PCDHA8: variants seen among roughly 807,000 people sequenced by gnomAD.
PCDHA8 encodes protocadherin alpha 8.
PCDHA8 carries 53 observed loss-of-function variants against 61.8 expected under a neutral mutation model. The observed-to-expected ratio is 0.86, with a 90% CI of 0.69 to 1.08. The LOEUF (loss-of-function observed/expected upper bound fraction) is 1.08, where lower values mean the gene tolerates loss of function less well. Among genes scored for constraint, PCDHA8 ranks in the 50% least tolerant of loss-of-function variants. The probability of loss-of-function intolerance (pLI) is 0.00; values close to 1 mark genes in which losing one functional copy is unlikely to be tolerated. For missense variants in PCDHA8, 1,293 were observed against 1,245.0 expected, an observed-to-expected ratio of 1.04 and a Z score of -0.58; for synonymous variants, 618 against 556.6, an observed-to-expected ratio of 1.11 and a Z score of -1.55.
chr5:140,928,540 G>T lies in PCDHA8; in HGVS notation c.2395-50409G>T, dbSNP rs1554205973. 4 of 1,614,094 alleles carry T rather than the reference G, an allele frequency of 2.5e-6. No homozygotes were observed. In the Admixed American group the frequency reaches 5.0e-5, roughly 20 times the overall value. On this transcript the variant is annotated intron_variant, in intron 1 of 3. Coordinates refer to ENST00000531613, the MANE Select transcript of PCDHA8 (RefSeq NM_018911.3). The stretch of plus-strand genomic sequence containing the variant: ...AAACTTGTTTGTGGTAGATAGGAAT[G>T]ACAATTATCCGGTTATCTTGTTTCC...
intron 1 of PCDHA8, among the ~76,000 whole-genome samples, chr5:140,918,404 T>C (rs2078676215): frequency 6.6e-6 from 1 of 152,196 alleles, no homozygotes; most frequent in Admixed American, 6.5e-5. Context: ...CTGATTTCTC[T>C]GGCCAGGACT....
chr5:140,869,137 C>G, intron 1 of PCDHA8: 3 of 1,613,116 alleles, frequency 1.9e-6, no homozygotes, highest in African/African-American at 1.3e-5. Context: ...ATTGGGCACC[C>G]CACGACTACA....
chr5:140,893,048 T>C (rs1462017776), intron 1 of PCDHA8, among the ~76,000 whole-genome samples: 1 of 152,250 alleles, frequency 6.6e-6, no homozygotes, highest in Non-Finnish European at 1.5e-5. Flanking sequence ...CCCTCCAGGC[T>C]CAGCCATACT....
At chr5:140,844,931 A>G (rs1262967576) in intron 1 of PCDHA8, among the ~76,000 whole-genome samples, 1 of 149,362 alleles carries the variant, frequency 6.7e-6, no homozygotes, top group Non-Finnish European at 1.5e-5. Flanking sequence ...GAAGGGAATG[A>G]ACGATTTCTG....
rs371718634 is a variant in PCDHA8, at chr5:140,884,469, C to G, written c.2394+40754C>G. ...CCGCCCACCGAGGGCGCGTGCGCGCCGGGCAAGCCCACTCTAGTGTGCTCC... is the reference window on the plus strand; with the variant it reads ...CCGCCCACCGAGGGCGCGTGCGCGCGGGGCAAGCCCACTCTAGTGTGCTCC... On this transcript the variant is annotated intron_variant, in intron 1 of 3. Coordinates refer to ENST00000531613, the MANE Select transcript of PCDHA8 (RefSeq NM_018911.3). 7.7e-5 allele frequency: 124 copies of G among 1,613,648 alleles called. 1 individual carries two copies. The highest frequency in any genetic ancestry group is 9.6e-5 in the Non-Finnish European group (113 of 1,179,828).
At chr5:140,853,981 T>C (rs1380460625) in intron 1 of PCDHA8, 1 of 543,664 alleles carries the variant, frequency 1.8e-6, no homozygotes, top group East Asian at 1.4e-4. Context: ...GAGACCAATG[T>C]AGTGAGACTC....
intron 1 of PCDHA8, chr5:140,859,596 AT>A (rs1554152518): frequency 6.1e-6 from 1 of 164,060 alleles, no homozygotes; most frequent in Non-Finnish European, 1.3e-5. Flanking sequence ...GCTCTTAGCA[AT>A]TACTTTTTTC....
At chr5:140,887,994 C>T (rs1168995086) in intron 1 of PCDHA8, among the ~76,000 whole-genome samples, 1 of 152,016 alleles carries the variant, frequency 6.6e-6, no homozygotes, top group Non-Finnish European at 1.5e-5. Flanking sequence ...ATGTCTCCAC[C>T]GAATAGTCAT....
chr5:140,863,076 G>C (rs782126148), intron 1 of PCDHA8: 2 of 570,034 alleles, frequency 3.5e-6, no homozygotes, highest in South Asian at 2.7e-5. Context: ...GGCTCTGCAC[G>C]GGCGAGATCA....
chr5:140,863,699 T>C, intron 1 of PCDHA8: 1 of 299,368 alleles, frequency 3.3e-6, no homozygotes, highest in Non-Finnish European at 6.5e-6. Context: ...GATGCTTTAT[T>C]TAAAGTACAC....
chr5:140,884,105 C>T, intron 1 of PCDHA8: 2 of 1,613,466 alleles, frequency 1.2e-6, no homozygotes, highest in South Asian at 2.2e-5. Flanking sequence ...TGAATTGCAG[C>T]TGGCGGCGGT....
Position 140,856,096 on chromosome 5 carries a change from G to C in PCDHA8, c.2394+12381G>C, listed in dbSNP as rs1031755500. The C allele has an allele frequency of 1.1e-5, 17 of 1,597,460 alleles. 1 individual carries two copies. The Admixed American group carries it at 2.5e-4, about 24-fold the overall frequency. On this transcript the variant is annotated intron_variant, in intron 1 of 3. Coordinates refer to ENST00000531613, the MANE Select transcript of PCDHA8 (RefSeq NM_018911.3). Reference sequence around the variant, plus strand: ...TGGGGGTCCAGTGTCTGCTGCTCTCGCTTCTTCTCCTCGCAGCCTGGGAGG... The same window carrying C: ...TGGGGGTCCAGTGTCTGCTGCTCTCCCTTCTTCTCCTCGCAGCCTGGGAGG...
At chr5:140,913,857 T>C (rs1374392004) in intron 1 of PCDHA8, among the ~76,000 whole-genome samples, 3 of 152,208 alleles carry the variant, frequency 2.0e-5, no homozygotes, top group Admixed American at 6.5e-5. Context: ...CAGGAGCATA[T>C]TGTTTAATTT....
chr5:140,957,954 T>G (rs2095401085), intron 1 of PCDHA8, among the ~76,000 whole-genome samples: 2 of 152,138 alleles, frequency 1.3e-5, no homozygotes, highest in Admixed American at 1.3e-4. Context: ...TTAAGACTAT[T>G]AATTCAGAGA....
chr5:140,952,615 C>T (rs572552032), intron 1 of PCDHA8, among the ~76,000 whole-genome samples: 1 of 152,288 alleles, frequency 6.6e-6, no homozygotes, highest in East Asian at 1.9e-4. Context: ...TCTCCCTCAT[C>T]TTCCCTCCAC....
At chr5:140,884,006 C>A in intron 1 of PCDHA8, 1 of 1,613,022 alleles carries the variant, frequency 6.2e-7, no homozygotes, top group Non-Finnish European at 8.5e-7. Context: ...AGTGAGCGAG[C>A]TGATGCCGCG....
At chr5:141,007,878 C>G (rs1316002060) in intron 3 of PCDHA8, among the ~76,000 whole-genome samples, 5 of 152,212 alleles carry the variant, frequency 3.3e-5, no homozygotes, top group African/African-American at 7.2e-5. Flanking sequence ...TTGTCTTACA[C>G]TTCTTTAAAA....
chr5:140,885,516 T>C (rs1235698672), intron 1 of PCDHA8, among the ~76,000 whole-genome samples: 1 of 152,198 alleles, frequency 6.6e-6, no homozygotes, highest in South Asian at 2.1e-4. Context: ...TGCTGTGCTA[T>C]CATTTCATAT....
rs148631412 is a variant in PCDHA8, at chr5:140,929,183, C to T, written c.2395-49766C>T. On this transcript the variant is annotated intron_variant, in intron 1 of 3. Transcript: ENST00000531613. ...TATCGGGCCTCTCTGGGACTTGGTT[C>T]TGATAATAACAGTTTGCTGTTGCGT... is the stretch of plus-strand genomic sequence containing the variant. 62 of 1,614,144 alleles carry T rather than the reference C, an allele frequency of 3.8e-5. No individual in the cohort carries two copies. The highest frequency in any genetic ancestry group is 4.8e-5 in the Non-Finnish European group (57 of 1,180,012).
Sources: gnomAD v4.1 joint callset for allele counts (sites outside exome capture counted in the v4.1 genomes callset) on GRCh38, gnomAD v4.1.1 for gene constraint, MANE v1.5 for transcripts, NCBI Gene and HGNC (gene_info 2026-07-23, HGNC 2026-07-21) for gene names.